Variants in ANKRD31 observed in about 807,000 individuals in gnomAD.
The protein encoded by ANKRD31 is ankyrin repeat domain-containing protein 31.
ANKRD31 carries 147 observed loss-of-function variants against 186.0 expected under a neutral mutation model. That is an observed-to-expected ratio of 0.79 (90% CI 0.69 to 0.91). The LOEUF is 0.91. Ranked by LOEUF, ANKRD31 falls within the 40% of genes least tolerant of loss-of-function variation. ANKRD31 has a pLI of 0.00. For missense variants in ANKRD31, 1,986 were observed against 2,148.8 expected, an observed-to-expected ratio of 0.92 and a Z score of 1.50; for synonymous variants, 673 against 736.4, an observed-to-expected ratio of 0.91 and a Z score of 1.39.
chr5:75,222,472 A>C (rs763380676), intron 2 of ANKRD31, 114 bp from the exon 3 acceptor site: 2 of 742,936 alleles, frequency 2.7e-6, no homozygotes, highest in Non-Finnish European at 4.1e-6. Context: ...CTAGTATATT[A>C]TTTCTTTTTT....
At position 75,203,162 on chromosome 5, in the gene ANKRD31, G is replaced by A. The variant is rs538566207; in HGVS notation, c.403+3249C>T. ...TATGAGACTTGTGACTCAGAAGTTC[G>A]AGGAGAGTGGTGACAACAGTGCACA... On this transcript the variant is annotated intron_variant, in intron 5 of 25. Coordinates refer to ENST00000506364, the MANE Select transcript of ANKRD31 (RefSeq NM_001372053.1). Among the ~76,000 whole-genome samples the A allele has an allele frequency of 4.6e-5, 7 of 152,262 alleles. No individual in the cohort carries two copies. The East Asian group carries it at 1.2e-3, about 25-fold the overall frequency.
chr5:75,223,315 A>T (rs375197872), intron 2 of ANKRD31, among the ~76,000 whole-genome samples: 1 of 152,204 alleles, frequency 6.6e-6, no homozygotes, highest in East Asian at 1.9e-4. Flanking sequence ...ATGAAATAAT[A>T]CTTGATATTT....
At chr5:75,163,638 C>T (rs536099460) in intron 11 of ANKRD31, among the ~76,000 whole-genome samples, 51 of 152,260 alleles carry the variant, frequency 3.3e-4, no homozygotes, top group South Asian at 3.1e-3. Flanking sequence ...TCTGATTTTT[C>T]GGTTAGGGAT....
chr5:75,103,364 G>T (rs906176558), intron 22 of ANKRD31, among the ~76,000 whole-genome samples: 1 of 152,172 alleles, frequency 6.6e-6, no homozygotes, highest in South Asian at 2.1e-4. Flanking sequence ...TGCTGGCGAG[G>T]TTGCAGATAA....
chr5:75,154,364 T>C lies in ANKRD31; in HGVS notation c.1708-19A>G, dbSNP rs528308915. On this transcript the variant is annotated intron_variant, in intron 11 of 25. Coordinates refer to ENST00000506364, the MANE Select transcript of ANKRD31 (RefSeq NM_001372053.1). ...CTGCCACCTAGAAAAAGGTTATTTA[T>C]GTAAGGGAACCCAGATTGAGGGTGT... 146 of 1,522,358 alleles carry C rather than the reference T, an allele frequency of 9.6e-5. 2 individuals are homozygous for C. In the South Asian group the frequency reaches 1.7e-3, roughly 17 times the overall value. The allele number at this position is 1,522,358 out of a possible 1,614,324, so 94.3% of individuals were successfully genotyped here. A position where few individuals can be genotyped will look rare whatever the true frequency, so the allele number is the denominator to read the frequency against.
chr5:75,133,074 A>G (rs1236439469), intron 17 of ANKRD31, among the ~76,000 whole-genome samples: 1 of 152,198 alleles, frequency 6.6e-6, no homozygotes, highest in African/African-American at 2.4e-5. Context: ...AATTGTAAAG[A>G]CCGTCGATGC....
chr5:75,140,938 TA>T (rs1212700220), intron 15 of ANKRD31, among the ~76,000 whole-genome samples: 1 of 152,196 alleles, frequency 6.6e-6, no homozygotes, highest in Non-Finnish European at 1.5e-5. Flanking sequence ...AGGTCCCAAC[TA>T]AGCCATGCCT....
At chr5:75,178,186 G>C (rs1271276899) in intron 10 of ANKRD31, among the ~76,000 whole-genome samples, 1 of 152,100 alleles carries the variant, frequency 6.6e-6, no homozygotes, top group East Asian at 1.9e-4. Flanking sequence ...AGAGCTAACT[G>C]TCCTAAATAT....
intron 24 of ANKRD31, among the ~76,000 whole-genome samples, chr5:75,083,221 G>A (rs919205832): frequency 3.9e-5 from 6 of 152,076 alleles, no homozygotes; most frequent in African/African-American, 7.2e-5. Flanking sequence ...TGTCACGTGA[G>A]GTCAGGTGTG....
intron 1 of ANKRD31, among the ~76,000 whole-genome samples, chr5:75,233,032 G>C (rs180776305): frequency 6.6e-6 from 1 of 151,118 alleles, no homozygotes; most frequent in Admixed American, 6.6e-5. Context: ...AAAGCACATA[G>C]GTTCTACCAT....
chr5:75,168,072 T>A (rs565654358), intron 11 of ANKRD31, among the ~76,000 whole-genome samples: 1 of 152,132 alleles, frequency 6.6e-6, no homozygotes, highest in South Asian at 2.1e-4. Context: ...CACCAAGATA[T>A]ACATTATCAA....
intron 20 of ANKRD31, 59 bp from the exon 21 acceptor site, chr5:75,107,676 C>A: frequency 1.9e-6 from 2 of 1,056,128 alleles, no homozygotes; most frequent in South Asian, 3.1e-5. Flanking sequence ...CAAATTTGGT[C>A]ATACGAGAAT....
chr5:75,103,486 A>G (rs1580332420), intron 22 of ANKRD31, among the ~76,000 whole-genome samples: 1 of 152,344 alleles, frequency 6.6e-6, no homozygotes, highest in East Asian at 1.9e-4. Flanking sequence ...TGCCCCAGCA[A>G]TCCAATTACT....
At chr5:75,170,352 T>C (rs1422368120) in intron 10 of ANKRD31, among the ~76,000 whole-genome samples, 1 of 152,060 alleles carries the variant, frequency 6.6e-6, no homozygotes, top group Non-Finnish European at 1.5e-5. Context: ...ATTAAGCACA[T>C]AGAAAACAAT....
intron 19 of ANKRD31, among the ~76,000 whole-genome samples, chr5:75,113,139 A>C (rs1747917729): frequency 6.6e-6 from 1 of 152,072 alleles, no homozygotes; most frequent in Non-Finnish European, 1.5e-5. Flanking sequence ...CTCTTTCCCT[A>C]TGAGAGAGAG....
intron 25 of ANKRD31, among the ~76,000 whole-genome samples, chr5:75,069,080 T>C (rs1156323556): frequency 1.3e-5 from 2 of 152,224 alleles, no homozygotes; most frequent in Non-Finnish European, 2.9e-5. Flanking sequence ...AAAAGAGTAT[T>C]AGGCTGCATG....
Position 75,092,391 on chromosome 5 carries a change from C to T in ANKRD31, c.5332-990G>A, listed in dbSNP as rs562278860. Among the ~76,000 whole-genome samples the T allele has an allele frequency of 2.4e-4, 37 of 152,222 alleles. No homozygotes were observed. In the South Asian group the frequency reaches 6.4e-3, roughly 27 times the overall value. On this transcript the variant is annotated intron_variant, in intron 22 of 25. Coordinates refer to ENST00000506364, the MANE Select transcript of ANKRD31 (RefSeq NM_001372053.1). ...ATCCCTTCAAAGGAGCCCACCTTTG[C>T]TTGGATTAGTCTGTAGAGCAATTTG...
chr5:75,134,534 C>G (rs1156714369), intron 17 of ANKRD31, among the ~76,000 whole-genome samples: 1 of 152,088 alleles, frequency 6.6e-6, no homozygotes, highest in Admixed American at 6.5e-5. Flanking sequence ...AGCCTACCAA[C>G]CAAAAAAAGT....
intron 5 of ANKRD31, among the ~76,000 whole-genome samples, chr5:75,201,275 G>T (rs1302295406): frequency 6.6e-6 from 1 of 152,136 alleles, no homozygotes; most frequent in East Asian, 1.9e-4. Context: ...CTTGCTCACA[G>T]CATGATAAGC....
Sources: gnomAD v4.1 joint callset for allele counts (sites outside exome capture counted in the v4.1 genomes callset) on GRCh38, gnomAD v4.1.1 for gene constraint, MANE v1.5 for transcripts, NCBI Gene and HGNC (gene_info 2026-07-23, HGNC 2026-07-21) for gene names.